PRR33: variants seen among roughly 807,000 people sequenced by gnomAD.
PRR33 encodes proline-rich protein 33.
Under a neutral mutation model 0.5 loss-of-function variants are expected in PRR33, and 1 was observed. The observed-to-expected ratio is 2.18, with a 90% confidence interval of 0.77 to 10.34. The LOEUF is 10.34. PRR33 is among the 30% of genes most tolerant of loss of function. PRR33 has a pLI of 0.13. For missense variants in PRR33, 552 were observed against 251.8 expected (o/e 2.19, Z -8.07); for synonymous variants, 226 against 110.0 (o/e 2.06, Z -6.60).
At chr11:1,898,339 G>A in the PRR33 span, among the ~76,000 whole-genome samples, 11 of 152,110 alleles carry the variant, frequency 7.2e-5, no homozygotes, top group East Asian at 2.1e-3. Context: ...GGGTTCAAGC[G>A]ATTCTCCTGC....
At chr11:1,901,284 C>G in the PRR33 span, among the ~76,000 whole-genome samples, 2 of 151,840 alleles carry the variant, frequency 1.3e-5, no homozygotes, top group Non-Finnish European at 2.9e-5. Context: ...TGCACTCCAG[C>G]CTGGGCGACA....
At chr11:1,900,119 G>A in the PRR33 span, among the ~76,000 whole-genome samples, 739 of 152,016 alleles carry the variant, frequency 4.9e-3, 2 homozygotes, top group Middle Eastern at 0.044. Flanking sequence ...GCATTTAATA[G>A]TGGAAGCTTC....
At chr11:1,889,588 CA>C in the PRR33 span, 1 of 611,718 alleles carries the variant, frequency 1.6e-6, no homozygotes, top group Non-Finnish European at 3.0e-6. Context: ...GGCTTGGGTG[CA>C]ACTTTGGGGA....
chr11:1,901,984 G>A, the PRR33 span, among the ~76,000 whole-genome samples: 119 of 152,238 alleles, frequency 7.8e-4, no homozygotes, highest in African/African-American at 2.8e-3. Flanking sequence ...TGTAATCCCA[G>A]CACTTTGGGA....
At chr11:1,914,227 CTGTGTG>C in the PRR33 span, among the ~76,000 whole-genome samples, 1 of 151,044 alleles carries the variant, frequency 6.6e-6, no homozygotes, top group Non-Finnish European at 1.5e-5. Flanking sequence ...GATGATGTTT[CTGTGTG>C]TGTGTGTGTG....
At chr11:1,908,205 A>G in the PRR33 span, among the ~76,000 whole-genome samples, 3 of 152,190 alleles carry the variant, frequency 2.0e-5, no homozygotes, top group Admixed American at 2.0e-4. Flanking sequence ...AATCTGCTAC[A>G]TCACCTTCAC....
exon 1 of PRR33, chr11:1,890,770 T>C: frequency 1.7e-6 from 1 of 597,504 alleles, no homozygotes; most frequent in Non-Finnish European, 3.0e-6. Flanking sequence ...CTTGGGGACT[T>C]TGGGGTGGCC....
At chr11:1,914,301 G>A in the PRR33 span, among the ~76,000 whole-genome samples, 1 of 148,854 alleles carries the variant, frequency 6.7e-6, no homozygotes, top group Non-Finnish European at 1.5e-5. Context: ...TGTGTGTGGG[G>A]TCATGCACCT....
chr11:1,915,641 TGGGGGGTGATGTTATGTGTGTGTGTTTTG>T, the PRR33 span, among the ~76,000 whole-genome samples: 1 of 5,544 alleles, frequency 1.8e-4, no homozygotes, highest in Admixed American at 2.4e-3. Flanking sequence ...GTGTGTGTTG[TGGGGGGTGATGTTATGTGTGTGTGTTTTG>T]GGGGGGTGAT....
chr11:1,914,517 G>A, the PRR33 span, among the ~76,000 whole-genome samples: 1 of 148,580 alleles, frequency 6.7e-6, no homozygotes, highest in East Asian at 2.0e-4. Context: ...CACACACCAG[G>A]GATGATGTTG....
chr11:1,905,989 ATTT>A, the PRR33 span, among the ~76,000 whole-genome samples: 2 of 129,598 alleles, frequency 1.5e-5, no homozygotes, highest in Admixed American at 8.0e-5. Flanking sequence ...CAGCTAAAGT[ATTT>A]TTTTTTTTTT....
chr11:1,893,425 ATGGC>A (rs1302621810), upstream of PRR33, among the ~76,000 whole-genome samples: 64 of 142,856 alleles, frequency 4.5e-4, no homozygotes, highest in African/African-American at 8.7e-4. Context: ...GGGTGGGAGG[ATGGC>A]TGGCTGGCTG....
exon 1 of PRR33, chr11:1,889,789 C>A (rs1049700950): frequency 1.5e-6 from 1 of 647,182 alleles, no homozygotes; most frequent in South Asian, 1.8e-5. Context: ...GGCACCACAA[C>A]CCTGGCACTA....
chr11:1,913,195 A>G, the PRR33 span, among the ~76,000 whole-genome samples: 1 of 151,532 alleles, frequency 6.6e-6, no homozygotes, highest in Non-Finnish European at 1.5e-5. Flanking sequence ...CAGTGGCACA[A>G]TTTCGGCTCA....
At chr11:1,904,789 G>A in the PRR33 span, among the ~76,000 whole-genome samples, 7 of 151,582 alleles carry the variant, frequency 4.6e-5, no homozygotes, top group African/African-American at 1.5e-4. Context: ...GATTACAGGC[G>A]AGAGCCACTG....
At chr11:1,895,312 TA>T (rs1849112379), upstream of PRR33, among the ~76,000 whole-genome samples, 1 of 152,122 alleles carries the variant, frequency 6.6e-6, no homozygotes, top group African/African-American at 2.4e-5. Flanking sequence ...TTTGTATTTT[TA>T]GTAGAGGTGG....
chr11:1,889,758 G>A (rs1449266137), exon 1 of PRR33: 8 of 653,286 alleles, frequency 1.2e-5, no homozygotes, highest in African/African-American at 7.3e-5. Context: ...GGACTCCAGC[G>A]AGCGGCAGGT....
At chr11:1,889,850 G>A in exon 1 of PRR33, 1 of 633,062 alleles carries the variant, frequency 1.6e-6, no homozygotes, top group Non-Finnish European at 2.9e-6. Flanking sequence ...GTGGTACAGG[G>A]GGCTCCTCAG....
chr11:1,906,994 T>G, the PRR33 span, among the ~76,000 whole-genome samples: 1 of 152,206 alleles, frequency 6.6e-6, no homozygotes. Flanking sequence ...CACTGAGGCC[T>G]GGAAACCCAC....
Sources: gnomAD v4.1 joint callset for allele counts (sites outside exome capture counted in the v4.1 genomes callset) on GRCh38, gnomAD v4.1.1 for gene constraint, MANE v1.5 for transcripts, NCBI Gene and HGNC (gene_info 2026-07-23, HGNC 2026-07-21) for gene names.